PLA2G2A: variants seen among roughly 807,000 people sequenced by gnomAD.
The protein encoded by PLA2G2A is phospholipase A2 group IIA.
Under a neutral mutation model 11.2 loss-of-function variants are expected in PLA2G2A, and 6 were observed. That is an observed-to-expected ratio of 0.54 (90% CI 0.29 to 1.06). The LOEUF (loss-of-function observed/expected upper bound fraction) is 1.06. PLA2G2A is among the 50% of genes least tolerant of loss of function. The pLI, the probability that PLA2G2A is intolerant of heterozygous loss-of-function variation, is 0.08. For synonymous variants in PLA2G2A, 69 were observed against 65.8 expected (o/e 1.05, Z -0.23); for missense variants, 133 against 177.1 (o/e 0.75, Z 1.41).
chr1:19,978,007 A>T lies in PLA2G2A; in HGVS notation c.292+8T>A. 1 of 1,526,208 alleles carries T rather than the reference A, an allele frequency of 6.6e-7. No individual in the cohort carries two copies. The highest frequency in any genetic ancestry group is 9.1e-7 in the Non-Finnish European group (1 of 1,099,776). The allele number at this position is 1,526,208 out of a possible 1,614,324, so 94.5% of individuals were successfully genotyped here. On this transcript the variant is annotated splice_region_variant and intron_variant, in intron 4 of 4. Coordinates refer to ENST00000482011, the Ensembl canonical transcript of PLA2G2A. ...GAGGGCCACTCGATGGTGAGGTAGG[A>T]CTCTTACCACAGGTGATTCTGCTCC...
chr1:19,977,172 T>C (rs928038327), intron 4 of PLA2G2A, among the ~76,000 whole-genome samples: 3 of 152,156 alleles, frequency 2.0e-5, no homozygotes, highest in African/African-American at 7.2e-5. Flanking sequence ...CCCTGGGTGC[T>C]GGAGGCCCCT....
At chr1:19,979,627 T>C, upstream of PLA2G2A, 1 of 152,622 alleles carries the variant, frequency 6.6e-6, no homozygotes. Flanking sequence ...TTGTTTGTTC[T>C]GCACTCCTGC....
chr1:19,979,687 A>C (rs1164046859), upstream of PLA2G2A: 1 of 152,398 alleles, frequency 6.6e-6, no homozygotes, highest in Non-Finnish European at 1.5e-5. Context: ...GGTGAGGCAC[A>C]AGGCTGGGGA....
chr1:19,976,273 G>C (rs2046218244), intron 4 of PLA2G2A, among the ~76,000 whole-genome samples: 1 of 152,182 alleles, frequency 6.6e-6, no homozygotes, highest in South Asian at 2.1e-4. Flanking sequence ...TCTGCTGGGG[G>C]CTTCTGGGAA....
At chr1:19,980,090 C>A (rs2046279778), upstream of PLA2G2A, among the ~76,000 whole-genome samples, 1 of 152,190 alleles carries the variant, frequency 6.6e-6, no homozygotes, top group Admixed American at 6.5e-5. Context: ...CTCAATCATT[C>A]ATTCACAGGA....
At chr1:19,977,865 A>T in intron 4 of PLA2G2A, 150 bp downstream of exon 4, 1 of 697,306 alleles carries the variant, frequency 1.4e-6, no homozygotes, top group South Asian at 1.5e-5. Flanking sequence ...TCTTTACTAC[A>T]TTGGATTTTC....
At chr1:19,979,000 C>A (rs879091346) in intron 1 of PLA2G2A, 121 bp from the exon 2 acceptor site, 3 of 550,932 alleles carry the variant, frequency 5.4e-6, no homozygotes, top group South Asian at 3.8e-5. Context: ...CACACACACA[C>A]AACCACCTCC....
chr1:19,976,275 T>C (rs1295021184), intron 4 of PLA2G2A, among the ~76,000 whole-genome samples: 1 of 152,224 alleles, frequency 6.6e-6, no homozygotes, highest in African/African-American at 2.4e-5. Context: ...TGCTGGGGGC[T>C]TCTGGGAACG....
chr1:19,979,786 T>G (rs1796923), upstream of PLA2G2A: 6,144 of 152,274 alleles, frequency 0.04, 215 homozygotes, highest in African/African-American at 0.083. Context: ...CAGGACAGAG[T>G]TGAGGATTGG....
rs776668415 is a variant in PLA2G2A at position 19,978,538 on chromosome 1, T to C, written c.41-14A>G. ...CCTGCAGTAGGCCTGGAAGGAAATTTGGGAGTTGTCTGGTGATGGGGCATG... is the reference window on the plus strand; with the variant it reads ...CCTGCAGTAGGCCTGGAAGGAAATTCGGGAGTTGTCTGGTGATGGGGCATG... On this transcript the variant is annotated splice_polypyrimidine_tract_variant and intron_variant, in intron 2 of 4. Coordinates refer to ENST00000482011, the Ensembl canonical transcript of PLA2G2A. 5.3e-5 allele frequency: 86 copies of C among 1,613,348 alleles called. 1 individual carries two copies. In the East Asian group the frequency reaches 1.7e-3, roughly 33 times the overall value.
chr1:19,976,992 C>T (rs1158272173), intron 4 of PLA2G2A, among the ~76,000 whole-genome samples: 1 of 152,258 alleles, frequency 6.6e-6, no homozygotes, highest in East Asian at 1.9e-4. Flanking sequence ...GCTCAGTTCC[C>T]CTTCTCCCTC....
Position 19,978,513 on chromosome 1 carries a change from C to T in PLA2G2A, c.52G>A (p.Ala18Thr), listed in dbSNP as rs779631054. ...TGGAAATTCACCAAATTCCCATGGGCCTGCAGTAGGCCTGGAAGGAAATTT... is the reference window on the plus strand; with the variant it reads ...TGGAAATTCACCAAATTCCCATGGGTCTGCAGTAGGCCTGGAAGGAAATTT... Residue 18 changes from alanine (A) to threonine (T), a missense_variant, in exon 3 of 5, where the codon GCC (alanine) becomes ACC (threonine). Coordinates refer to ENST00000482011, the Ensembl canonical transcript of PLA2G2A. The T allele has an allele frequency of 3.3e-5, 53 of 1,613,530 alleles. No homozygotes were observed. In the East Asian group the frequency reaches 1.0e-3, roughly 31 times the overall value.
exon 2 of PLA2G2A, chr1:19,978,809 G>T: frequency 6.2e-7 from 1 of 1,607,358 alleles, no homozygotes; most frequent in Non-Finnish European, 8.5e-7. Context: ...CAGATGGACT[G>T]GCCTAGCTCC....
At position 19,978,486 on chromosome 1, in the gene PLA2G2A, T is replaced by A. The variant is rs753236597; in HGVS notation, c.79A>T (p.Arg27Ter). 8 of 1,613,808 alleles carry A rather than the reference T, an allele frequency of 5.0e-6. No individual in the cohort carries two copies. In the African/African-American group the frequency reaches 1.1e-4, roughly 22 times the overall value. The change falls in exon 3 of 5, where the codon AGA (arginine) becomes TGA (stop). Residue 27 changes from arginine (R) to a stop codon, truncating the protein, a stop_gained. Transcript: ENST00000482011. LOFTEE classifies it high-confidence loss of function. ...TTTCCTGTCGTCAACTTGATCATTC[T>A]GTGGAAATTCACCAAATTCCCATGG...
chr1:19,977,939 A>G (rs924323970), intron 4 of PLA2G2A, 76 bp downstream of exon 4: 3 of 893,482 alleles, frequency 3.4e-6, no homozygotes, highest in Non-Finnish European at 5.7e-6. Context: ...CTCTGTGTCT[A>G]TCTTTGGTGC....
At chr1:19,976,569 C>T (rs187041297) in intron 4 of PLA2G2A, among the ~76,000 whole-genome samples, 21 of 152,298 alleles carry the variant, frequency 1.4e-4, no homozygotes, top group East Asian at 1.2e-3. Context: ...TGTGACCTAA[C>T]GCCTGCTGAA....
At chr1:19,978,166 G>C (rs1557702958) in intron 3 of PLA2G2A, 45 bp from the exon 4 acceptor site, 2 of 1,462,490 alleles carry the variant, frequency 1.4e-6, no homozygotes, top group South Asian at 1.1e-5. Flanking sequence ...ACAGCTCCAG[G>C]AGGCCTGGTG....
chr1:19,978,827 G>T lies in PLA2G2A; in HGVS notation c.-54C>A, dbSNP rs2046262316. 6.3e-6 allele frequency: 10 copies of T among 1,581,572 alleles called. 1 individual carries two copies. In the South Asian group the frequency reaches 1.1e-4, roughly 18 times the overall value. ...ATGGACTGGCCTAGCTCCTCTGCTG[G>T]GTGGTCTCAACTTCTGCCCCGGCCG... On this transcript the variant is annotated 5_prime_UTR_variant, in exon 2 of 5. Coordinates refer to ENST00000482011, the Ensembl canonical transcript of PLA2G2A.
At chr1:19,975,649 A>C, downstream of PLA2G2A, 1 of 1,540,146 alleles carries the variant, frequency 6.5e-7, no homozygotes, top group Non-Finnish European at 9.0e-7. Context: ...GAGGGAGGGT[A>C]TGAGAGAGGG....
Sources: allele counts gnomAD v4.1 joint callset (sites outside exome capture counted in the v4.1 genomes callset), GRCh38; gene constraint gnomAD v4.1.1; transcripts MANE v1.5; gene names NCBI Gene and HGNC (gene_info 2026-07-23, HGNC 2026-07-21).